Variants in SNTG1 observed in about 807,000 individuals in gnomAD.
SNTG1 encodes the protein syntrophin gamma 1.
SNTG1 carries 39 observed loss-of-function variants against 74.7 expected under a neutral mutation model. The observed-to-expected ratio is 0.52, with a 90% CI of 0.40 to 0.68. The LOEUF is 0.68. Ranked by LOEUF, SNTG1 falls within the 30% of genes least tolerant of loss-of-function variation. The pLI, the probability that SNTG1 is intolerant of heterozygous loss-of-function variation, is 0.00. For synonymous variants in SNTG1, 254 were observed against 217.1 expected, an observed-to-expected ratio of 1.17 and a Z score of -1.49; for missense variants, 685 against 609.5, an observed-to-expected ratio of 1.12 and a Z score of -1.30.
intron 1 of SNTG1, among the ~76,000 whole-genome samples, chr8:50,021,935 T>G (rs1248054437): frequency 2.0e-5 from 1 of 49,746 alleles, no homozygotes; most frequent in Non-Finnish European, 3.8e-5. Flanking sequence ...AGTGAGACCC[T>G]CTCAAAAAAA....
rs180750472 is a variant in SNTG1 at position 50,104,593 on chromosome 8, G to A, written c.-102-67968G>A. Among the ~76,000 whole-genome samples, 69 of 151,502 alleles carry A rather than the reference G, an allele frequency of 4.6e-4. No homozygotes were observed. In the East Asian group the frequency reaches 6.0e-3, roughly 13 times the overall value. On this transcript the variant is annotated intron_variant, in intron 1 of 18. Coordinates refer to ENST00000642720, the MANE Select transcript of SNTG1 (RefSeq NM_018967.5). The stretch of plus-strand genomic sequence containing the variant: ...TCTGCTCTGATTTTAGTTATTTTTC[G>A]CCGTCTGCTAGCTTTTGAATGTGTT...
intron 17 of SNTG1, among the ~76,000 whole-genome samples, chr8:50,727,361 A>T (rs562140333): frequency 2.0e-5 from 3 of 152,272 alleles, no homozygotes; most frequent in South Asian, 4.1e-4. Flanking sequence ...GCTGTCTTAG[A>T]TTGGGTTCCG....
At chr8:50,185,165 G>T (rs1180031021) in intron 2 of SNTG1, among the ~76,000 whole-genome samples, 1 of 152,148 alleles carries the variant, frequency 6.6e-6, no homozygotes, top group East Asian at 1.9e-4. Flanking sequence ...GGCAGGACCA[G>T]GTGAAGATAA....
At chr8:50,381,596 A>ATATATATATATCTCCTATTAGT (rs2092481759) in intron 2 of SNTG1, among the ~76,000 whole-genome samples, 2 of 127,034 alleles carry the variant, frequency 1.6e-5, no homozygotes, top group African/African-American at 5.5e-5. Flanking sequence ...GTGTGTGTAT[A>ATATATATATATCTCCTATTAGT]TATATATATA....
At chr8:50,747,707 T>C (rs1005979040) in intron 17 of SNTG1, 8 of 152,042 alleles carry the variant, frequency 5.3e-5, no homozygotes, top group Non-Finnish European at 8.8e-5. Context: ...AAAACAAAAA[T>C]TTTCACACTT....
chr8:50,314,737 AAATGAT>A (rs1171052697), intron 2 of SNTG1, among the ~76,000 whole-genome samples: 1 of 150,160 alleles, frequency 6.7e-6, no homozygotes, highest in Non-Finnish European at 1.5e-5. Context: ...GTCGAAATGT[AAATGAT>A]AATTATAGGA....
intron 1 of SNTG1, among the ~76,000 whole-genome samples, chr8:49,991,057 GT>G (rs1202786886): frequency 2.6e-5 from 4 of 152,102 alleles, no homozygotes; most frequent in Non-Finnish European, 5.9e-5. Flanking sequence ...TGATAGACTT[GT>G]ATACAGAATA....
chr8:50,715,480 T>C (rs1334319920), intron 17 of SNTG1, among the ~76,000 whole-genome samples: 2 of 152,196 alleles, frequency 1.3e-5, no homozygotes, highest in East Asian at 3.8e-4. Context: ...ACATAGCTTG[T>C]TAAAAACATT....
At chr8:50,344,922 T>C (rs1251325914) in intron 2 of SNTG1, among the ~76,000 whole-genome samples, 1 of 151,868 alleles carries the variant, frequency 6.6e-6, no homozygotes, top group African/African-American at 2.4e-5. Context: ...CCAATCAGAG[T>C]GGTGTCTGAC....
At chr8:50,049,449 G>A (rs572474247) in intron 1 of SNTG1, among the ~76,000 whole-genome samples, 1 of 152,198 alleles carries the variant, frequency 6.6e-6, no homozygotes, top group East Asian at 1.9e-4. Flanking sequence ...AGTCATAATA[G>A]TCATTAACAT....
intron 2 of SNTG1, among the ~76,000 whole-genome samples, chr8:50,234,244 T>C (rs1389220444): frequency 6.6e-6 from 1 of 151,934 alleles, no homozygotes; most frequent in South Asian, 2.1e-4. Context: ...TAATGATATA[T>C]ACCAAAGCTT....
At chr8:49,912,743 A>G (rs1249351469) in intron 1 of SNTG1, among the ~76,000 whole-genome samples, 2 of 152,180 alleles carry the variant, frequency 1.3e-5, no homozygotes, top group African/African-American at 2.4e-5. Flanking sequence ...GTATACCTAC[A>G]CCTGTAGGAT....
intron 1 of SNTG1, among the ~76,000 whole-genome samples, chr8:50,073,300 C>A (rs1459122174): frequency 1.3e-5 from 2 of 152,088 alleles, no homozygotes; most frequent in African/African-American, 4.8e-5. Flanking sequence ...CACTTTTTTG[C>A]TCATCCATAA....
At chr8:50,407,523 G>A (rs941565782) in intron 4 of SNTG1, among the ~76,000 whole-genome samples, 4 of 152,134 alleles carry the variant, frequency 2.6e-5, no homozygotes, top group South Asian at 2.1e-4. Context: ...CCCCACAATA[G>A]GGAGGAAGTT....
chr8:50,323,586 C>A (rs942770116), intron 2 of SNTG1, among the ~76,000 whole-genome samples: 5 of 152,138 alleles, frequency 3.3e-5, no homozygotes, highest in East Asian at 1.9e-4. Flanking sequence ...CAGAAAAATT[C>A]TCTCAATTAC....
At chr8:50,232,470 C>T (rs1563774348) in intron 2 of SNTG1, among the ~76,000 whole-genome samples, 1 of 151,346 alleles carries the variant, frequency 6.6e-6, no homozygotes, top group African/African-American at 2.4e-5. Context: ...AATAGAAAAA[C>T]TACAGCTAAC....
At chr8:50,777,864 G>C (rs542271624) in intron 18 of SNTG1, among the ~76,000 whole-genome samples, 4 of 151,390 alleles carry the variant, frequency 2.6e-5, no homozygotes, top group African/African-American at 4.9e-5. Context: ...CCCCCCACCC[G>C]ACAACAGTCC....
At chr8:50,109,800 G>A (rs2080512410) in intron 1 of SNTG1, among the ~76,000 whole-genome samples, 1 of 152,150 alleles carries the variant, frequency 6.6e-6, no homozygotes, top group African/African-American at 2.4e-5. Flanking sequence ...TACTCTGAAA[G>A]GTGAGGCAGA....
At chr8:50,075,224 G>T (rs73677841) in intron 1 of SNTG1, among the ~76,000 whole-genome samples, 2 of 152,168 alleles carry the variant, frequency 1.3e-5, no homozygotes, top group Non-Finnish European at 2.9e-5. Context: ...CAGTCCCATC[G>T]ACCGCCCAGG....
Sources: allele counts gnomAD v4.1 joint callset (sites outside exome capture counted in the v4.1 genomes callset), GRCh38; gene constraint gnomAD v4.1.1; transcripts MANE v1.5; gene names NCBI Gene and HGNC (gene_info 2026-07-23, HGNC 2026-07-21).